CYP2C19: variants seen among roughly 807,000 people sequenced by gnomAD.
The protein encoded by CYP2C19 is cytochrome P450 2C19.
CYP2C19 carries 59 observed loss-of-function variants against 40.9 expected under a neutral mutation model. The observed-to-expected ratio is 1.44, with a 90% CI of 1.17 to 1.79. The LOEUF is 1.79. CYP2C19 is among the 40% of genes most tolerant of loss of function. The probability of loss-of-function intolerance (pLI) is 0.00; values close to 1 mark genes in which losing one functional copy is unlikely to be tolerated. For synonymous variants in CYP2C19, 253 were observed against 208.7 expected (o/e 1.21, Z -1.83); for missense variants, 754 against 596.9 (o/e 1.26, Z -2.74).
chr10:94,787,221 GT>G (rs1341770463), intron 5 of CYP2C19, among the ~76,000 whole-genome samples: 1 of 151,934 alleles, frequency 6.6e-6, no homozygotes, highest in Non-Finnish European at 1.5e-5. Flanking sequence ...TCTCATTGTG[GT>G]TTTGATTTGC....
chr10:94,798,500 A>G (rs1405318106), intron 5 of CYP2C19, among the ~76,000 whole-genome samples: 1 of 152,126 alleles, frequency 6.6e-6, no homozygotes, highest in Non-Finnish European at 1.5e-5. Context: ...GTAGATGTCT[A>G]TCAGGTCCAC....
intron 3 of CYP2C19, among the ~76,000 whole-genome samples, chr10:94,779,900 T>G (rs1589348743): frequency 6.6e-6 from 1 of 152,304 alleles, no homozygotes; most frequent in South Asian, 2.1e-4. Context: ...GGATTTACAT[T>G]TCAAATAACA....
chr10:94,842,928 G>A lies in CYP2C19; in HGVS notation c.1053G>A (p.Val351=). The part of the protein sequence containing the change: ...DRGHMPYTDA[V]VHEVQRYIDL... The stretch of plus-strand genomic sequence containing the variant: ...GCCACATGCCCTACACAGATGCTGT[G>A]GTGCACGAGGTCCAGAGATACATCG... Residue 351 remains valine (V), a synonymous_variant, in exon 7 of 9, where the codon GTG becomes GTA. Transcript: ENST00000371321. The A allele has an allele frequency of 2.5e-6, 4 of 1,614,186 alleles. No individual in the cohort carries two copies. In the South Asian group the frequency reaches 4.4e-5, roughly 18 times the overall value.
chr10:94,828,421 C>T (rs1443687359), intron 6 of CYP2C19, among the ~76,000 whole-genome samples: 3 of 149,646 alleles, frequency 2.0e-5, no homozygotes, highest in Non-Finnish European at 3.0e-5. Context: ...TATGTAATGG[C>T]CTTCTTTGTC....
At chr10:94,774,593 T>TA (rs1374153878) in intron 1 of CYP2C19, 1 of 179,776 alleles carries the variant, frequency 5.6e-6, no homozygotes, top group East Asian at 1.6e-4. Context: ...ATGCTAATCA[T>TA]AAAAGACTGT....
At chr10:94,789,061 CATT>C in intron 5 of CYP2C19, among the ~76,000 whole-genome samples, 1 of 152,128 alleles carries the variant, frequency 6.6e-6, no homozygotes, top group East Asian at 1.9e-4. Context: ...GATGGTATCT[CATT>C]GTGGTTTTGA....
At chr10:94,795,222 C>A (rs1848665765) in intron 5 of CYP2C19, among the ~76,000 whole-genome samples, 1 of 137,898 alleles carries the variant, frequency 7.3e-6, no homozygotes. Flanking sequence ...TCTCATTGTT[C>A]AATTCCCACC....
intron 4 of CYP2C19, among the ~76,000 whole-genome samples, chr10:94,781,523 T>A (rs1441887934): frequency 6.6e-6 from 1 of 152,112 alleles, no homozygotes; most frequent in South Asian, 2.1e-4. Flanking sequence ...TATTTCAAGA[T>A]TGTAGAGAAG....
At chr10:94,830,140 C>T (rs1219009033) in intron 6 of CYP2C19, among the ~76,000 whole-genome samples, 3 of 152,116 alleles carry the variant, frequency 2.0e-5, no homozygotes, top group East Asian at 3.9e-4. Flanking sequence ...GAGGTGGAGC[C>T]TACAGAGGCA....
chr10:94,835,259 G>A (rs1412111131), intron 6 of CYP2C19, among the ~76,000 whole-genome samples: 2 of 152,158 alleles, frequency 1.3e-5, no homozygotes, highest in African/African-American at 4.8e-5. Flanking sequence ...TTTTGAAAAG[G>A]CCTGGTCCAG....
chr10:94,835,015 G>A (rs920158216), intron 6 of CYP2C19, among the ~76,000 whole-genome samples: 1 of 152,126 alleles, frequency 6.6e-6, no homozygotes, highest in African/African-American at 2.4e-5. Context: ...CTCGGGAGAG[G>A]TGCCTTCAAT....
chr10:94,782,200 GAAATTGTTTAGAT>G (rs1848488331), intron 5 of CYP2C19, among the ~76,000 whole-genome samples: 1 of 152,052 alleles, frequency 6.6e-6, no homozygotes. Context: ...ATACATAGAA[GAAATTGTTTAGAT>G]AAATATAATC....
chr10:94,817,202 A>G (rs1849019760), intron 5 of CYP2C19, among the ~76,000 whole-genome samples: 2 of 146,616 alleles, frequency 1.4e-5, no homozygotes, highest in Non-Finnish European at 1.5e-5. Flanking sequence ...CCAACAGTGT[A>G]AAAGTGTTCC....
chr10:94,811,792 C>A (rs1184578357), intron 5 of CYP2C19, among the ~76,000 whole-genome samples: 2 of 151,906 alleles, frequency 1.3e-5, no homozygotes, highest in South Asian at 2.1e-4. Flanking sequence ...AGATAGGTCT[C>A]CTGAATACAG....
chr10:94,799,091 A>G (rs1264537383), intron 5 of CYP2C19, among the ~76,000 whole-genome samples: 4 of 151,926 alleles, frequency 2.6e-5, no homozygotes, highest in Non-Finnish European at 5.9e-5. Context: ...AGTTTTTTTC[A>G]TAGCATTGAT....
At chr10:94,809,337 C>A (rs954022895) in intron 5 of CYP2C19, among the ~76,000 whole-genome samples, 5 of 152,058 alleles carry the variant, frequency 3.3e-5, no homozygotes, top group African/African-American at 1.2e-4. Flanking sequence ...GGTTGTTAAT[C>A]CCCTGTTAGA....
intron 6 of CYP2C19, among the ~76,000 whole-genome samples, chr10:94,830,398 G>T (rs1328505196): frequency 6.6e-6 from 1 of 152,200 alleles, no homozygotes; most frequent in Non-Finnish European, 1.5e-5. Flanking sequence ...GCAGTATTCG[G>T]GTGGGAGTGA....
chr10:94,850,654 T>A (rs1474446934), intron 8 of CYP2C19, among the ~76,000 whole-genome samples: 1 of 152,074 alleles, frequency 6.6e-6, no homozygotes, highest in Non-Finnish European at 1.5e-5. Context: ...GAGACATAAG[T>A]AACTAATAGC....
chr10:94,847,151 T>C (rs898869703), intron 7 of CYP2C19, among the ~76,000 whole-genome samples: 1 of 152,136 alleles, frequency 6.6e-6, no homozygotes, highest in Non-Finnish European at 1.5e-5. Flanking sequence ...AATGTATACA[T>C]GTGCCATGTC....
Sources: allele counts gnomAD v4.1 joint callset (sites outside exome capture counted in the v4.1 genomes callset), GRCh38; gene constraint gnomAD v4.1.1; transcripts MANE v1.5; gene names NCBI Gene and HGNC (gene_info 2026-07-23, HGNC 2026-07-21).